The following KHDRBS2 variants were observed in gnomAD, a reference collection of about 807,000 sequenced individuals.
KHDRBS2 encodes the protein KH RNA binding domain containing, signal transduction associated 2, also known as KH domain-containing, RNA-binding, signal transduction-associated protein 2.
KHDRBS2 carries 26 observed loss-of-function variants against 44.3 expected under a neutral mutation model. The ratio of observed to expected loss-of-function variants is 0.59; its 90% CI spans 0.43 to 0.81. The LOEUF (loss-of-function observed/expected upper bound fraction) is 0.81, where lower values mean the gene tolerates loss of function less well. Ranked by LOEUF, KHDRBS2 falls within the 40% of genes least tolerant of loss-of-function variation. The pLI is 0.00. For synonymous variants in KHDRBS2, 194 were observed against 151.1 expected (o/e 1.28, Z -2.08); for missense variants, 476 against 433.1 (o/e 1.10, Z -0.88).
intron 4 of KHDRBS2, among the ~76,000 whole-genome samples, chr6:61,913,070 T>A (rs1806338874): frequency 1.3e-5 from 2 of 152,100 alleles, no homozygotes. Context: ...AGAATGCAAG[T>A]CATAAATTTT....
intron 2 of KHDRBS2, among the ~76,000 whole-genome samples, chr6:62,122,038 C>G (rs1159650323): frequency 6.6e-6 from 1 of 151,998 alleles, no homozygotes; most frequent in East Asian, 1.9e-4. Flanking sequence ...TGTGTTACTC[C>G]AGCCCATTTA....
chr6:61,639,978 G>A, the KHDRBS2 span, among the ~76,000 whole-genome samples: 3 of 152,114 alleles, frequency 2.0e-5, no homozygotes, highest in Admixed American at 6.6e-5. Flanking sequence ...TGTGGACCTT[G>A]TTTGGATTTT....
Position 61,978,176 on chromosome 6 carries a change from C to T in KHDRBS2, c.373G>A (p.Ala125Thr), listed in dbSNP as rs147166432. 78 of 1,608,528 alleles carry T rather than the reference C, an allele frequency of 4.8e-5. No homozygotes were observed. The highest frequency in any genetic ancestry group is 6.5e-5 in the Non-Finnish European group (76 of 1,177,780). The part of the protein sequence containing the change: ...ELRKSGEAKY[A>T]HLSDELHVLI... ...ACATGAAGCTCATCACTCAAGTGGG[C>T]ATATTTGGCTTCCCCACTCTTCCTT... is the stretch of plus-strand genomic sequence containing the variant. Residue 125 changes from alanine to threonine, a missense_variant, in exon 4 of 9, where the codon GCC (alanine) becomes ACC (threonine). Ala to Thr is a moderately conservative substitution (Grantham distance 58). Transcript: ENST00000281156.
intron 1 of KHDRBS2, among the ~76,000 whole-genome samples, chr6:62,207,799 T>C (rs1265849509): frequency 6.6e-6 from 1 of 152,172 alleles, no homozygotes; most frequent in African/African-American, 2.4e-5. Context: ...TTATCTATAT[T>C]TGATGTTTAC....
rs201864348 is a variant in KHDRBS2, at chr6:61,714,206, C to CA, written c.894-16954dup. Among the ~76,000 whole-genome samples the CA allele has an allele frequency of 1.9e-3, 283 of 151,712 alleles. 2 individuals are homozygous for CA. The highest frequency in any genetic ancestry group is 6.4e-3 in the African/African-American group (266 of 41,470). ...TCTAAACAACTCAACATAACAACAA[C>CA]AAAAAAACCCCCAAATAATCCCATT... On this transcript the variant is annotated intron_variant, in intron 7 of 8. Coordinates refer to ENST00000281156, the MANE Select transcript of KHDRBS2 (RefSeq NM_152688.4).
chr6:61,819,285 C>A (rs1330251870), intron 6 of KHDRBS2, among the ~76,000 whole-genome samples: 1 of 151,818 alleles, frequency 6.6e-6, no homozygotes, highest in Admixed American at 6.6e-5. Context: ...AATTTTTACA[C>A]CAAATTTTAA....
chr6:61,843,174 T>G (rs1562283337), intron 6 of KHDRBS2, among the ~76,000 whole-genome samples: 1 of 151,564 alleles, frequency 6.6e-6, no homozygotes, highest in Non-Finnish European at 1.5e-5. Flanking sequence ...TTGGGGGCGG[T>G]GGAGGAGGAA....
the KHDRBS2 span, among the ~76,000 whole-genome samples, chr6:61,573,899 C>CAAGGCTA: frequency 0.85 from 129,559 of 151,884 alleles, 55,699 homozygotes; most frequent in African/African-American, 0.94. Context: ...ACTATACTAA[C>CAAGGCTA]TAGTTTACAA....
At chr6:61,961,536 TG>T (rs562707461) in intron 4 of KHDRBS2, among the ~76,000 whole-genome samples, 1 of 151,730 alleles carries the variant, frequency 6.6e-6, no homozygotes, top group Non-Finnish European at 1.5e-5. Flanking sequence ...GGGAGCAAGA[TG>T]TTTTAAGTAG....
At chr6:61,952,121 T>C (rs1243275198) in intron 4 of KHDRBS2, among the ~76,000 whole-genome samples, 1 of 152,112 alleles carries the variant, frequency 6.6e-6, no homozygotes, top group Non-Finnish European at 1.5e-5. Context: ...AATTCATTTT[T>C]ATTTACAACT....
At chr6:62,054,604 G>A (rs1380265258) in intron 2 of KHDRBS2, among the ~76,000 whole-genome samples, 1 of 152,080 alleles carries the variant, frequency 6.6e-6, no homozygotes, top group African/African-American at 2.4e-5. Context: ...CAGGGTCAGA[G>A]AAGGAGATGT....
At chr6:62,031,107 C>T (rs1416130527) in intron 3 of KHDRBS2, among the ~76,000 whole-genome samples, 2 of 152,064 alleles carry the variant, frequency 1.3e-5, no homozygotes, top group East Asian at 1.9e-4. Context: ...GATTAGAGCT[C>T]ACCAGGGACC....
At chr6:61,624,633 A>C in the KHDRBS2 span, among the ~76,000 whole-genome samples, 7 of 152,204 alleles carry the variant, frequency 4.6e-5, no homozygotes, top group African/African-American at 1.7e-4. Context: ...TGATTGAATC[A>C]CATACCACAA....
the KHDRBS2 span, among the ~76,000 whole-genome samples, chr6:61,618,156 G>A: frequency 6.6e-6 from 1 of 152,158 alleles, no homozygotes; most frequent in Non-Finnish European, 1.5e-5. Context: ...CAGTCTGAAT[G>A]CCTGAATCAA....
chr6:61,955,905 A>G (rs1296471167), intron 4 of KHDRBS2, among the ~76,000 whole-genome samples: 2 of 152,076 alleles, frequency 1.3e-5, no homozygotes, highest in Admixed American at 6.6e-5. Flanking sequence ...GACACAAATA[A>G]GTTAACTTTG....
chr6:61,949,000 A>C (rs1764198706), intron 4 of KHDRBS2, among the ~76,000 whole-genome samples: 1 of 151,978 alleles, frequency 6.6e-6, no homozygotes, highest in African/African-American at 2.4e-5. Flanking sequence ...TACAAGAAGA[A>C]ACTCGACTAT....
chr6:61,985,833 G>A (rs1000331440), intron 3 of KHDRBS2, among the ~76,000 whole-genome samples: 8 of 151,996 alleles, frequency 5.3e-5, no homozygotes, highest in African/African-American at 1.9e-4. Context: ...AAAATACTAC[G>A]ATCCAAATAC....
the KHDRBS2 span, among the ~76,000 whole-genome samples, chr6:61,573,248 A>G: frequency 6.6e-6 from 1 of 152,202 alleles, no homozygotes; most frequent in South Asian, 2.1e-4. Flanking sequence ...ATACTTAGGA[A>G]TATACTTAAC....
intron 7 of KHDRBS2, among the ~76,000 whole-genome samples, chr6:61,723,376 G>T (rs934430751): frequency 6.6e-6 from 1 of 152,104 alleles, no homozygotes; most frequent in African/African-American, 2.4e-5. Context: ...GAACTGTGCT[G>T]AGGCTGAAAT....
Sources: gnomAD v4.1 joint callset for allele counts (sites outside exome capture counted in the v4.1 genomes callset) on GRCh38, gnomAD v4.1.1 for gene constraint, MANE v1.5 for transcripts, NCBI Gene and HGNC (gene_info 2026-07-23, HGNC 2026-07-21) for gene names.